Variants in CADM1 observed in about 807,000 individuals in gnomAD.
CADM1 encodes the protein TSLC-1.
Under a neutral mutation model 53.1 loss-of-function variants are expected in CADM1, and 15 were observed. That is an observed-to-expected ratio of 0.28 (90% CI 0.19 to 0.44). The LOEUF (loss-of-function observed/expected upper bound fraction) is 0.44, where lower values mean the gene tolerates loss of function less well. Ranked by LOEUF, CADM1 falls within the 20% of genes least tolerant of loss-of-function variation. CADM1 has a pLI of 1.00. For missense variants in CADM1, 434 were observed against 611.3 expected, an observed-to-expected ratio of 0.71 and a Z score of 3.06; for synonymous variants, 281 against 243.0, an observed-to-expected ratio of 1.16 and a Z score of -1.45.
intron 1 of CADM1, among the ~76,000 whole-genome samples, chr11:115,317,903 G>A (rs1276920153): frequency 6.6e-6 from 1 of 151,904 alleles, no homozygotes; most frequent in African/African-American, 2.4e-5. Context: ...CCAAAGATAT[G>A]TTTTAATTGT....
In CADM1 at chr11:115,444,843, T is replaced by C. The variant is rs539713079; in HGVS notation, c.124+59428A>G. Reference sequence around the variant, plus strand: ...AGGTCAGTAAGCAGATTAGGAACACTAGAGGGAGAAATCAACCATAGCTTC... The same window carrying C: ...AGGTCAGTAAGCAGATTAGGAACACCAGAGGGAGAAATCAACCATAGCTTC... On this transcript the variant is annotated intron_variant, in intron 1 of 11. Transcript: ENST00000331581. Among the ~76,000 whole-genome samples, 25 of 152,270 alleles carry C rather than the reference T, an allele frequency of 1.6e-4. No individual in the cohort carries two copies. In the South Asian group the frequency reaches 5.0e-3, roughly 30 times the overall value.
intron 1 of CADM1, among the ~76,000 whole-genome samples, chr11:115,417,419 G>A (rs932091093): frequency 5.9e-5 from 9 of 152,122 alleles, no homozygotes; most frequent in Non-Finnish European, 1.2e-4. Flanking sequence ...CTGAAACTCC[G>A]GATATACCAA....
chr11:115,201,180 G>C lies in CADM1; in HGVS notation c.1079-2742C>G, dbSNP rs570945089. Among the ~76,000 whole-genome samples the C allele has an allele frequency of 2.0e-5, 3 of 152,256 alleles. No individual in the cohort carries two copies. In the East Asian group the frequency reaches 5.8e-4, roughly 29 times the overall value. On this transcript the variant is annotated intron_variant, in intron 8 of 11. Coordinates refer to ENST00000331581, the MANE Select transcript of CADM1 (RefSeq NM_001301043.2). Reference sequence around the variant, plus strand: ...ACACACGATTACTGCAGCTGGAAATGGCAAAACCCGGAGCAGCAACGGGGT... The same window carrying C: ...ACACACGATTACTGCAGCTGGAAATCGCAAAACCCGGAGCAGCAACGGGGT...
At chr11:115,492,963 C>T (rs533172689) in intron 1 of CADM1, among the ~76,000 whole-genome samples, 1 of 136,106 alleles carries the variant, frequency 7.3e-6, no homozygotes, top group South Asian at 2.3e-4. Context: ...ACACACACAC[C>T]CTTGTTTGCT....
At chr11:115,244,981 C>T (rs1378525461) in intron 1 of CADM1, among the ~76,000 whole-genome samples, 1 of 152,202 alleles carries the variant, frequency 6.6e-6, no homozygotes, top group Non-Finnish European at 1.5e-5. Context: ...CCTGGCTGTT[C>T]ATCAATAAAG....
rs1941969317 is a variant in CADM1, at chr11:115,235,172, T to TC, written c.424+3327_424+3328insG. On this transcript the variant is annotated intron_variant, in intron 3 of 11. Coordinates refer to ENST00000331581, the MANE Select transcript of CADM1 (RefSeq NM_001301043.2). ...GTTACAAAGCTGACTTTGCTCAGTT[T>TC]TTTTTTTTTAAGAGCAAGAAAGCTT... 2.6e-5 allele frequency among the ~76,000 whole-genome samples: 4 copies of TC among 152,000 alleles called. No individual in the cohort carries two copies. In the South Asian group the frequency reaches 8.3e-4, roughly 32 times the overall value.
chr11:115,263,066 G>A (rs568691138), intron 1 of CADM1, among the ~76,000 whole-genome samples: 1 of 152,358 alleles, frequency 6.6e-6, no homozygotes, highest in Non-Finnish European at 1.5e-5. Flanking sequence ...TAACACCGAG[G>A]TTATGAATTT....
intron 1 of CADM1, among the ~76,000 whole-genome samples, chr11:115,460,596 T>G (rs1948773632): frequency 6.6e-6 from 1 of 152,242 alleles, no homozygotes. Flanking sequence ...CTAGAAATGA[T>G]AATAACAGCC....
At chr11:115,475,422 T>G (rs550595185) in intron 1 of CADM1, among the ~76,000 whole-genome samples, 5 of 152,306 alleles carry the variant, frequency 3.3e-5, no homozygotes, top group Non-Finnish European at 4.4e-5. Context: ...CTTCTAGGCA[T>G]TTAGCCAATA....
At chr11:115,374,208 A>C (rs990314987) in intron 1 of CADM1, among the ~76,000 whole-genome samples, 2 of 152,202 alleles carry the variant, frequency 1.3e-5, no homozygotes, top group Admixed American at 1.3e-4. Context: ...AAAGGATATT[A>C]GCAAAGATTC....
chr11:115,262,307 C>G (rs1280802942), intron 1 of CADM1, among the ~76,000 whole-genome samples: 1 of 152,140 alleles, frequency 6.6e-6, no homozygotes, highest in African/African-American at 2.4e-5. Flanking sequence ...CACTCACTTT[C>G]AAGGCATTTA....
chr11:115,313,943 G>A (rs535416684), intron 1 of CADM1, among the ~76,000 whole-genome samples: 12 of 152,264 alleles, frequency 7.9e-5, no homozygotes, highest in African/African-American at 2.6e-4. Flanking sequence ...GTGAAGGTAA[G>A]AAAATTTCCA....
At chr11:115,357,119 A>G (rs1460202442) in intron 1 of CADM1, among the ~76,000 whole-genome samples, 1 of 152,148 alleles carries the variant, frequency 6.6e-6, no homozygotes, top group Non-Finnish European at 1.5e-5. Flanking sequence ...AAAATCTCCA[A>G]TATGACAATG....
chr11:115,226,868 G>A (rs2134830567), intron 5 of CADM1, among the ~76,000 whole-genome samples: 1 of 152,326 alleles, frequency 6.6e-6, no homozygotes, highest in East Asian at 1.9e-4. Context: ...AGCTACAAAA[G>A]GAATTCCTGG....
At chr11:115,438,273 T>C (rs1240570406) in intron 1 of CADM1, among the ~76,000 whole-genome samples, 1 of 152,178 alleles carries the variant, frequency 6.6e-6, no homozygotes, top group Non-Finnish European at 1.5e-5. Flanking sequence ...ATTCTATTCC[T>C]GAATAGGGTT....
rs766832665 is a variant in CADM1, at chr11:115,230,967, G to C, written c.562+386C>G. Among the ~76,000 whole-genome samples, 3 of 152,126 alleles carry C rather than the reference G, an allele frequency of 2.0e-5. No individual in the cohort carries two copies. In the South Asian group the frequency reaches 6.2e-4, roughly 32 times the overall value. On this transcript the variant is annotated intron_variant, in intron 4 of 11. Coordinates refer to ENST00000331581, the MANE Select transcript of CADM1 (RefSeq NM_001301043.2). ...GTATACCCTGAAAATGTGGGCTTCT[G>C]GTCCCCTCTAGGTCTCTGCAAAAGA...
At chr11:115,189,928 T>G (rs1939764920) in intron 10 of CADM1, among the ~76,000 whole-genome samples, 1 of 152,204 alleles carries the variant, frequency 6.6e-6, no homozygotes, top group Non-Finnish European at 1.5e-5. Context: ...TCAATTGCAC[T>G]TTGAAAAATC....
intron 1 of CADM1, chr11:115,377,719 T>C (rs1428963623): frequency 6.6e-6 from 1 of 152,200 alleles, no homozygotes; most frequent in Non-Finnish European, 1.5e-5. Context: ...TGAATGAATC[T>C]AGAAAATACT....
At chr11:115,183,393 T>C (rs989137455) in intron 10 of CADM1, among the ~76,000 whole-genome samples, 1 of 152,172 alleles carries the variant, frequency 6.6e-6, no homozygotes, top group African/African-American at 2.4e-5. Flanking sequence ...TAATCATGGA[T>C]CTGTGATAAG....
Sources: gnomAD v4.1 joint callset for allele counts (sites outside exome capture counted in the v4.1 genomes callset) on GRCh38, gnomAD v4.1.1 for gene constraint, MANE v1.5 for transcripts, NCBI Gene and HGNC (gene_info 2026-07-23, HGNC 2026-07-21) for gene names.